The following FAM167A variants were observed in gnomAD, a reference collection of about 807,000 sequenced individuals.
FAM167A encodes protein FAM167A.
A neutral mutation model predicts 14.9 loss-of-function variants in FAM167A; 23 were observed. The observed-to-expected ratio is 1.55, with a 90% CI of 1.11 to 2.19. The LOEUF (loss-of-function observed/expected upper bound fraction) is 2.19. FAM167A is among the 30% of genes most tolerant of loss of function. The pLI, the probability that FAM167A is intolerant of heterozygous loss-of-function variation, is 0.00. For missense variants in FAM167A, 401 were observed against 281.5 expected (o/e 1.42, Z -3.04); for synonymous variants, 174 against 117.7 (o/e 1.48, Z -3.10).
intron 2 of FAM167A, chr8:11,443,679 T>C: frequency 4.8e-6 from 1 of 208,066 alleles, no homozygotes; most frequent in South Asian, 8.1e-5. Context: ...GGTGGGGAGG[T>C]TCCAGCACAG....
At chr8:11,466,815 T>C (rs1263801460), upstream of FAM167A, 3 of 152,002 alleles carry the variant, frequency 2.0e-5, no homozygotes, top group African/African-American at 7.2e-5. Context: ...GGCGGTTGCC[T>C]GGCGACGGCC....
rs1372167383 is a variant in FAM167A, at chr8:11,421,783, T to C, written c.*2590A>G. 7.5e-6 allele frequency: 3 copies of C among 398,768 alleles called. No individual in the cohort carries two copies. Among genetic ancestry groups the C allele is most frequent in the East Asian group, 7.1e-5 (2 of 28,084 alleles). 24.7% of individuals were successfully genotyped at this position (398,768 alleles called of 1,614,324 possible). ...TGCTTGGGGATGGCAGAGAGATGGA[T>C]GGATAATGAGTACAACTGCAAACAG... On this transcript the variant is annotated 3_prime_UTR_variant, in exon 3 of 3. Transcript: ENST00000284486.
chr8:11,425,559 GC>G (rs1333054365), intron 2 of FAM167A, among the ~76,000 whole-genome samples: 1 of 152,004 alleles, frequency 6.6e-6, no homozygotes, highest in African/African-American at 2.4e-5. Context: ...AAAATCCTAA[GC>G]CCCCCAACTG....
In FAM167A at chr8:11,444,135, G is replaced by C; in HGVS notation, c.277C>G (p.Pro93Ala). The C allele has an allele frequency of 6.2e-7, 1 of 1,613,234 alleles. No individual in the cohort carries two copies. Among genetic ancestry groups the C allele is most frequent in the Non-Finnish European group, 8.5e-7 (1 of 1,179,962 alleles). ...CCTTGGCTGGCACTCCTGGCAGAAG[G>C]GGGGTGCTGCCCAGCCTCTCTCAGG... The part of the protein sequence containing the change: ...LPLREAGQHP[P>A]SARSASQGAR... The change falls in exon 2 of 3, where the codon CCT (proline) becomes GCT (alanine). Residue 93 changes from proline to alanine, a missense_variant. Transcript: ENST00000284486.
At chr8:11,429,358 G>A (rs549550712) in intron 2 of FAM167A, among the ~76,000 whole-genome samples, 48 of 152,332 alleles carry the variant, frequency 3.2e-4, no homozygotes, top group Non-Finnish European at 4.7e-4. Flanking sequence ...TCGGGAGGAC[G>A]GCGGTTGCCC....
At chr8:11,443,744 G>T (rs1004908710) in intron 2 of FAM167A, 6 of 376,210 alleles carry the variant, frequency 1.6e-5, no homozygotes, top group East Asian at 1.2e-4. Flanking sequence ...AGCGGTGTTG[G>T]GGGGAGGGGG....
chr8:11,437,249 G>A (rs1806084466), intron 2 of FAM167A, among the ~76,000 whole-genome samples: 1 of 152,128 alleles, frequency 6.6e-6, no homozygotes, highest in Admixed American at 6.5e-5. Flanking sequence ...TTTAACCTCA[G>A]TTTTCTCATC....
chr8:11,444,344 G>A lies in FAM167A; in HGVS notation c.68C>T (p.Pro23Leu). The A allele has an allele frequency of 6.2e-7, 1 of 1,606,394 alleles. No individual in the cohort carries two copies. The highest frequency in any genetic ancestry group is 8.5e-7 in the Non-Finnish European group (1 of 1,176,582). ...AEEGAGAAAP[P>L]DDHLRSLKAL... The stretch of plus-strand genomic sequence containing the variant: ...CTTCAGGCTCCGGAGGTGGTCATCG[G>A]GTGGTGCGGCTGCTCCCGCCCCCTC... Residue 23 changes from proline (P) to leucine (L), a missense_variant, in exon 2 of 3, where the codon CCC becomes CTC. Transcript: ENST00000284486.
At chr8:11,439,065 C>T (rs1052921377) in intron 2 of FAM167A, among the ~76,000 whole-genome samples, 1 of 152,258 alleles carries the variant, frequency 6.6e-6, no homozygotes, top group African/African-American at 2.4e-5. Context: ...GTGCCCAGAA[C>T]AAAGAGATCT....
In FAM167A at chr8:11,427,961, G is replaced by A. The variant is rs975647494; in HGVS notation, c.382-3325C>T. Among the ~76,000 whole-genome samples, 3 of 152,200 alleles carry A rather than the reference G, an allele frequency of 2.0e-5. No homozygotes were observed. The East Asian group carries it at 5.8e-4, about 29-fold the overall frequency. On this transcript the variant is annotated intron_variant, in intron 2 of 2. Transcript: ENST00000284486. ...CCTCACTGAGCCTGGAACGGAGCTA[G>A]GTGCTACCTAAACCCTTCTGAGGAG...
chr8:11,468,882 C>T (rs1252740668), upstream of FAM167A, among the ~76,000 whole-genome samples: 1 of 152,144 alleles, frequency 6.6e-6, no homozygotes, highest in Admixed American at 6.5e-5. Flanking sequence ...TTCTGCCTGG[C>T]ATTTGTCTGC....
upstream of FAM167A, among the ~76,000 whole-genome samples, chr8:11,470,531 G>A (rs1483278644): frequency 1.3e-5 from 2 of 152,188 alleles, no homozygotes; most frequent in African/African-American, 4.8e-5. Flanking sequence ...CCCCCGAGGG[G>A]AGCTCCAAAT....
intron 1 of FAM167A, among the ~76,000 whole-genome samples, chr8:11,448,651 T>G (rs544184488): frequency 3.9e-5 from 6 of 152,172 alleles, no homozygotes; most frequent in African/African-American, 1.2e-4. Flanking sequence ...CTTAGTGGAG[T>G]CTGTTCTGCC....
Position 11,444,457 on chromosome 8 carries a change from G to A in FAM167A, c.-46C>T, listed in dbSNP as rs370569207. The A allele has an allele frequency of 1.9e-5, 29 of 1,506,874 alleles. No homozygotes were observed. Among genetic ancestry groups the A allele is most frequent in the African/African-American group, 5.6e-5 (4 of 71,370 alleles). 93.3% of individuals were successfully genotyped at this position (1,506,874 alleles called of 1,614,324 possible). A position where few individuals can be genotyped will look rare whatever the true frequency, so the allele number is the denominator to read the frequency against. On this transcript the variant is annotated 5_prime_UTR_variant, in exon 2 of 3. Coordinates refer to ENST00000284486, the MANE Select transcript of FAM167A (RefSeq NM_053279.3). ...CCGGACATGCGAGGGCACGGGGGGCGCAGGGGGAGGCTTGGTGGGTGGCAC... is the reference window on the plus strand; with the variant it reads ...CCGGACATGCGAGGGCACGGGGGGCACAGGGGGAGGCTTGGTGGGTGGCAC...
chr8:11,456,138 T>TGA (rs1807275265), intron 1 of FAM167A, among the ~76,000 whole-genome samples: 3 of 24,102 alleles, frequency 1.2e-4, no homozygotes, highest in Non-Finnish European at 2.6e-4. Flanking sequence ...TGCCTTGCTG[T>TGA]GTGTGTGTGT....
chr8:11,474,891 G>T (rs562063187), intron 1 of FAM167A, among the ~76,000 whole-genome samples: 2 of 151,918 alleles, frequency 1.3e-5, no homozygotes, highest in African/African-American at 4.8e-5. Flanking sequence ...AACATCAACA[G>T]CGAAGGCGAC....
chr8:11,446,368 C>G (rs892538684), intron 1 of FAM167A: 1 of 152,004 alleles, frequency 6.6e-6, no homozygotes, highest in African/African-American at 2.4e-5. Flanking sequence ...AGGAATAGTC[C>G]ACCCCAACTG....
chr8:11,472,437 G>GTTTTTTT (rs113039104), upstream of FAM167A, among the ~76,000 whole-genome samples: 2 of 122,550 alleles, frequency 1.6e-5, no homozygotes, highest in Non-Finnish European at 3.3e-5. Context: ...TGTTTTTTGG[G>GTTTTTTT]TTTTTTTTTT....
At chr8:11,439,055 G>A (rs935366640) in intron 2 of FAM167A, among the ~76,000 whole-genome samples, 3 of 152,208 alleles carry the variant, frequency 2.0e-5, no homozygotes, top group African/African-American at 7.2e-5. Flanking sequence ...GACATCTGAT[G>A]TGCCCAGAAC....
Sources: gnomAD v4.1 joint callset for allele counts (sites outside exome capture counted in the v4.1 genomes callset) on GRCh38, gnomAD v4.1.1 for gene constraint, MANE v1.5 for transcripts, NCBI Gene and HGNC (gene_info 2026-07-23, HGNC 2026-07-21) for gene names.